The following SDK2 variants were observed in gnomAD, a reference collection of about 807,000 sequenced individuals.
SDK2 encodes sidekick cell adhesion molecule 2.
Under a neutral mutation model 253.9 loss-of-function variants are expected in SDK2, and 105 were observed. That is an observed-to-expected ratio of 0.41 (90% CI 0.35 to 0.49). The LOEUF is 0.49. Among genes scored for constraint, SDK2 ranks in the 20% least tolerant of loss-of-function variants. The pLI, the probability that SDK2 is intolerant of heterozygous loss-of-function variation, is 0.06. For synonymous variants in SDK2, 1,249 were observed against 1,234.9 expected (o/e 1.01, Z -0.24); for missense variants, 2,608 against 3,003.0 (o/e 0.87, Z 3.07).
intron 1 of SDK2, among the ~76,000 whole-genome samples, chr17:73,523,769 C>T (rs1267454877): frequency 6.6e-6 from 1 of 151,968 alleles, no homozygotes; most frequent in Non-Finnish European, 1.5e-5. Context: ...ACCCCCTCAC[C>T]TGCACCCCCC....
rs999100268 is a variant in SDK2, at chr17:73,447,283, CT to C, written c.613+331del. On this transcript the variant is annotated intron_variant, in intron 5 of 44. Coordinates refer to ENST00000392650, the MANE Select transcript of SDK2 (RefSeq NM_001144952.2). This position sits in a 1 kb window ranked among gnomAD's most constrained non-coding sequence, Gnocchi z 4.0. ...GTCAGCATCTGAGCCCCGATAGTGG[CT>C]GCAACTCACACATGCACACGCTCTT... Among the ~76,000 whole-genome samples the C allele has an allele frequency of 6.6e-6, 1 of 152,154 alleles. No homozygotes were observed. Among genetic ancestry groups the C allele is most frequent in the African/African-American group, 2.4e-5 (1 of 41,432 alleles).
At position 73,511,323 on chromosome 17, in the gene SDK2, CAT is replaced by C. The variant is rs2063978597; in HGVS notation, c.65-3728_65-3727del. 6.6e-6 allele frequency among the ~76,000 whole-genome samples: 1 copy of C among 152,208 alleles called. No homozygotes were observed. Among genetic ancestry groups the C allele is most frequent in the Non-Finnish European group, 1.5e-5 (1 of 68,030 alleles). ...GGCAGTGTGTGTATCTGCATGCACA[CAT>C]GTGCATATGTGTGAGCACACACACA... On this transcript the variant is annotated intron_variant, in intron 1 of 44. Transcript: ENST00000392650. This position sits in a 1 kb window ranked among gnomAD's most constrained non-coding sequence, Gnocchi z 4.9.
rs997136073 is a variant in SDK2 at position 73,395,424 on chromosome 17, T to C, written c.3355-32A>G. 2 of 1,575,896 alleles carry C rather than the reference T, an allele frequency of 1.3e-6. No individual in the cohort carries two copies. Among genetic ancestry groups the C allele is most frequent in the Admixed American group, 3.3e-5 (2 of 59,862 alleles). On this transcript the variant is annotated intron_variant, in intron 24 of 44. Coordinates refer to ENST00000392650, the MANE Select transcript of SDK2 (RefSeq NM_001144952.2). This position sits in a 1 kb window ranked among gnomAD's most constrained non-coding sequence, Gnocchi z 4.3. ...CGGGGCAGGGGTGGCAAAGCTGCTA[T>C]GAGCCAGGCCCCCCACTGTGCAGGG...
In SDK2 at chr17:73,405,505, T is replaced by A. The variant is rs1351191084; in HGVS notation, c.2485-3364A>T. On this transcript the variant is annotated intron_variant, in intron 18 of 44. Coordinates refer to ENST00000392650, the MANE Select transcript of SDK2 (RefSeq NM_001144952.2). ...ATATATATATATATATATATATATA[T>A]ATATATATATATAAAGATCGAGAAT... Among the ~76,000 whole-genome samples the A allele has an allele frequency of 2.5e-3, 148 of 58,572 alleles. 4 individuals are homozygous for A. Among genetic ancestry groups the A allele is most frequent in the African/African-American group, 3.2e-3 (49 of 15,518 alleles). 38.4% of individuals were successfully genotyped at this position (58,572 alleles called of 152,430 possible).
intron 16 of SDK2, 23 bp from the exon 17 acceptor site, chr17:73,416,015 A>G: frequency 6.3e-7 from 1 of 1,598,436 alleles, no homozygotes; most frequent in Non-Finnish European, 8.5e-7. Flanking sequence ...GGCGAGGCAC[A>G]GTGGAGTCAG....
chr17:73,605,410 G>A (rs1027814491), intron 1 of SDK2, among the ~76,000 whole-genome samples: 1 of 152,114 alleles, frequency 6.6e-6, no homozygotes, highest in Non-Finnish European at 1.5e-5. Flanking sequence ...AAGCACAGGG[G>A]GTGGAAAAAG....
In SDK2 at chr17:73,435,397, C is replaced by G. The variant is rs774617003; in HGVS notation, c.1195+53G>C. Reference sequence around the variant, plus strand: ...CCCCTCGGAAGACCTTGGAAGAAAGCTGCGTCCTGGGAAGAGGGGCTCACG... The same window carrying G: ...CCCCTCGGAAGACCTTGGAAGAAAGGTGCGTCCTGGGAAGAGGGGCTCACG... On this transcript the variant is annotated intron_variant, in intron 9 of 44. Transcript: ENST00000392650. This position sits in a 1 kb window ranked among gnomAD's most constrained non-coding sequence, Gnocchi z 5.7. 5.5e-5 allele frequency: 83 copies of G among 1,496,754 alleles called. No individual in the cohort carries two copies. Among genetic ancestry groups the G allele is most frequent in the Non-Finnish European group, 7.2e-5 (80 of 1,110,414 alleles). 92.7% of individuals were successfully genotyped at this position (1,496,754 alleles called of 1,614,324 possible). A position where few individuals can be genotyped will look rare whatever the true frequency, so the allele number is the denominator to read the frequency against.
chr17:73,415,545 C>T (rs2063173330), intron 17 of SDK2, among the ~76,000 whole-genome samples: 1 of 151,944 alleles, frequency 6.6e-6, no homozygotes, highest in Admixed American at 6.6e-5. Context: ...CAGGGTCTCA[C>T]TATGTTGCCT....
At position 73,420,145 on chromosome 17, in the gene SDK2, C is replaced by T. The variant is rs139952080; in HGVS notation, c.2046-839G>A. Among the ~76,000 whole-genome samples the T allele has an allele frequency of 2.5e-3, 382 of 152,302 alleles. 2 individuals carry two copies. Among genetic ancestry groups the T allele is most frequent in the East Asian group, 0.017 (89 of 5,182 alleles). On this transcript the variant is annotated intron_variant, in intron 15 of 44. Coordinates refer to ENST00000392650, the MANE Select transcript of SDK2 (RefSeq NM_001144952.2). The stretch of plus-strand genomic sequence containing the variant: ...AGAGCCAAGGACACCCACCCTGCCT[C>T]GGGGAGCCAAGCGCGACAGCACGTC...
intron 1 of SDK2, among the ~76,000 whole-genome samples, chr17:73,522,567 T>C (rs1312346601): frequency 6.6e-6 from 1 of 152,250 alleles, no homozygotes; most frequent in Non-Finnish European, 1.5e-5. Flanking sequence ...GAAAGGTGGC[T>C]GAACCAACAT....
At chr17:73,540,212 C>A (rs2044845990) in intron 1 of SDK2, among the ~76,000 whole-genome samples, 2 of 152,330 alleles carry the variant, frequency 1.3e-5, no homozygotes, top group South Asian at 4.1e-4. Context: ...CTGCTCAGAG[C>A]CTCCGAGGGA....
Position 73,643,957 on chromosome 17 carries a change from T to TCCCCCC in SDK2, c.64+67_64+68insGGGGGG. On this transcript the variant is annotated intron_variant, in intron 1 of 44. Transcript: ENST00000392650. This position sits in a 1 kb window ranked among gnomAD's most constrained non-coding sequence, Gnocchi z 6.9. ...GGAGGTCACCGTGAGGCCGGCCAGC[T>TCCCCCC]CCCGCCGCCCCTCCCCCGCCCACTC... The TCCCCCC allele has an allele frequency of 3.9e-6, 4 of 1,019,998 alleles. No individual in the cohort carries two copies. Among genetic ancestry groups the TCCCCCC allele is most frequent in the South Asian group, 1.4e-5 (1 of 72,516 alleles). 63.2% of individuals were successfully genotyped at this position (1,019,998 alleles called of 1,614,324 possible). A position where few individuals can be genotyped will look rare whatever the true frequency, so the allele number is the denominator to read the frequency against.
At chr17:73,376,881 C>T (rs897403981) in intron 36 of SDK2, among the ~76,000 whole-genome samples, 1 of 152,146 alleles carries the variant, frequency 6.6e-6, no homozygotes, top group African/African-American at 2.4e-5. Context: ...CCTCCTCCTT[C>T]ACCCCAGATG....
At chr17:73,569,528 C>T (rs986119086) in intron 1 of SDK2, among the ~76,000 whole-genome samples, 3 of 151,766 alleles carry the variant, frequency 2.0e-5, no homozygotes, top group Admixed American at 6.6e-5. Flanking sequence ...GCCTATTAAC[C>T]CTTGCAGCAC....
intron 1 of SDK2, among the ~76,000 whole-genome samples, chr17:73,546,615 T>G (rs565637367): frequency 1.2e-4 from 18 of 152,182 alleles, no homozygotes; most frequent in Non-Finnish European, 2.4e-4. Context: ...CCTGGGGCCA[T>G]GGCCTGGACT....
chr17:73,452,668 C>A (rs778438335), intron 4 of SDK2, among the ~76,000 whole-genome samples: 18 of 152,210 alleles, frequency 1.2e-4, no homozygotes, highest in Non-Finnish European at 2.4e-4. Flanking sequence ...AAAGTGCCAG[C>A]ACACCCCTCA....
chr17:73,403,715 T>C (rs2063047838), intron 18 of SDK2, among the ~76,000 whole-genome samples: 1 of 152,228 alleles, frequency 6.6e-6, no homozygotes, highest in African/African-American at 2.4e-5. Context: ...TGAAATTTAA[T>C]TGGTATTGTG....
chr17:73,440,585 A>C (rs1386984937), intron 6 of SDK2, among the ~76,000 whole-genome samples: 2 of 152,130 alleles, frequency 1.3e-5, no homozygotes, highest in Non-Finnish European at 2.9e-5. Flanking sequence ...CCTTCCCTGT[A>C]AGTTCCATCC....
At chr17:73,579,966 G>A (rs560543222) in intron 1 of SDK2, among the ~76,000 whole-genome samples, 12 of 145,886 alleles carry the variant, frequency 8.2e-5, no homozygotes, top group African/African-American at 2.8e-4. Context: ...GGACAAGAGC[G>A]AAACCCCGTC....
Sources: gnomAD v4.1 joint callset for allele counts (sites outside exome capture counted in the v4.1 genomes callset) on GRCh38, gnomAD v4.1.1 for gene constraint, Gnocchi (gnomAD v3.1) non-coding constraint, MANE v1.5 for transcripts, NCBI Gene and HGNC (gene_info 2026-07-23, HGNC 2026-07-21) for gene names.